Variants in OXNAD1 observed in about 807,000 individuals in gnomAD.
OXNAD1 encodes oxidoreductase NAD-binding domain-containing protein 1.
In OXNAD1, 34 loss-of-function variants were observed where a neutral mutation model predicts 32.9. That is an observed-to-expected ratio of 1.03 (90% CI 0.79 to 1.38). OXNAD1 has a LOEUF of 1.38. Among genes scored for constraint, OXNAD1 ranks in the 40% most tolerant of loss-of-function variants. The pLI, the probability that OXNAD1 is intolerant of heterozygous loss-of-function variation, is 0.00. For synonymous variants in OXNAD1, 134 were observed against 135.2 expected (o/e 0.99, Z 0.06); for missense variants, 407 against 379.4 (o/e 1.07, Z -0.60).
intron 9 of OXNAD1, among the ~76,000 whole-genome samples, chr3:16,332,459 ATTTAT>A (rs1374357611): frequency 6.7e-6 from 1 of 148,414 alleles, no homozygotes; most frequent in African/African-American, 2.5e-5. Flanking sequence ...TCATGGATAC[ATTTAT>A]TTTATCTCTT....
chr3:16,317,060 C>CCCT lies in OXNAD1; in HGVS notation c.*30+13472_*30+13474dup, dbSNP rs774576026. The CCCT allele has an allele frequency of 2.0e-5, 32 of 1,613,840 alleles. No individual in the cohort carries two copies. The African/African-American group carries it at 3.9e-4, about 20-fold the overall frequency. Reference sequence around the variant, plus strand: ...GCCCTTCATCTCCTCGGAGACTCCACCCTCCTGCTGCTGTCCTGAAACACA... The same window carrying CCCT: ...GCCCTTCATCTCCTCGGAGACTCCACCCTCCTCCTGCTGCTGTCCTGAAACACA... On this transcript the variant is annotated intron_variant, in intron 9 of 9. Transcript: ENST00000435829. This position sits in a 1 kb window ranked among gnomAD's most constrained non-coding sequence, Gnocchi z 4.3.
chr3:16,326,599 C>T (rs73142373), intron 9 of OXNAD1, among the ~76,000 whole-genome samples: 6,537 of 152,164 alleles, frequency 0.043, 437 homozygotes, highest in African/African-American at 0.15. Flanking sequence ...CTCTGGGTGA[C>T]GGTGGTTAAG....
chr3:16,278,263 ATCTT>A (rs1204402615), intron 4 of OXNAD1, among the ~76,000 whole-genome samples: 1 of 152,186 alleles, frequency 6.6e-6, no homozygotes, highest in Admixed American at 6.5e-5. Flanking sequence ...GATTTTGGAA[ATCTT>A]TCTAATTCTT....
chr3:16,337,614 C>T (rs1213937098), downstream of OXNAD1, among the ~76,000 whole-genome samples: 3 of 151,806 alleles, frequency 2.0e-5, no homozygotes, highest in African/African-American at 4.8e-5. The surrounding 1 kb of genome is among the most constrained non-coding windows in gnomAD (Gnocchi z 5.0). Flanking sequence ...TGGTGGCAGG[C>T]GCCTGTAGTC....
At position 16,322,315 on chromosome 3, in the gene OXNAD1, T is replaced by C. The variant is rs903940876; in HGVS notation, c.*31-14797T>C. Among the ~76,000 whole-genome samples the C allele has an allele frequency of 2.6e-5, 4 of 152,222 alleles. No homozygotes were observed. Among genetic ancestry groups the C allele is most frequent in the African/African-American group, 9.6e-5 (4 of 41,462 alleles). On this transcript the variant is annotated intron_variant, in intron 9 of 9. Coordinates refer to the OXNAD1 transcript ENST00000435829. The surrounding 1 kb of genome is among the most constrained non-coding windows in gnomAD (Gnocchi z 6.2). ...CAAGTCACCATTGCTTTGGCACTCC[T>C]TCCACAAGTGGGCTCCCCCTGGAGT...
downstream of OXNAD1, chr3:16,339,956 G>C (rs1242464938): frequency 6.6e-6 from 1 of 152,196 alleles, no homozygotes; most frequent in African/African-American, 2.4e-5. Flanking sequence ...AATGAGACAT[G>C]AGTTTGCCAC....
rs1013422992 is a variant in OXNAD1 at position 16,335,120 on chromosome 3, G to A, written c.*31-1992G>A. 2.6e-5 allele frequency among the ~76,000 whole-genome samples: 4 copies of A among 152,204 alleles called. No individual in the cohort carries two copies. The highest frequency in any genetic ancestry group is 9.7e-5 in the African/African-American group (4 of 41,438). On this transcript the variant is annotated intron_variant, in intron 9 of 9. Transcript: ENST00000435829. This position sits in a 1 kb window ranked among gnomAD's most constrained non-coding sequence, Gnocchi z 4.7. Reference sequence around the variant, plus strand: ...TCAACAAATGTAAGACAATAAACTTGCGTTGTTTTAAGTCACTAAATCTGT... The same window carrying A: ...TCAACAAATGTAAGACAATAAACTTACGTTGTTTTAAGTCACTAAATCTGT...
intron 9 of OXNAD1, among the ~76,000 whole-genome samples, chr3:16,318,990 C>T (rs527463519): frequency 6.6e-5 from 10 of 152,300 alleles, no homozygotes; most frequent in African/African-American, 2.2e-4. Context: ...AGAGGAGGCC[C>T]CTGATTTTAG....
At chr3:16,272,884 C>G (rs1161893426) in intron 4 of OXNAD1, among the ~76,000 whole-genome samples, 1 of 151,462 alleles carries the variant, frequency 6.6e-6, no homozygotes, top group East Asian at 1.9e-4. Flanking sequence ...CAGGCTCTTT[C>G]CTGTTGTATT....
At chr3:16,273,486 C>T (rs2065104701) in intron 4 of OXNAD1, among the ~76,000 whole-genome samples, 2 of 151,276 alleles carry the variant, frequency 1.3e-5, no homozygotes, top group Admixed American at 6.6e-5. Context: ...TTCTGTCTCC[C>T]AAGCTCGACT....
exon 10 of OXNAD1, chr3:16,349,952 TTTC>T (rs1302296988): frequency 5.3e-5 from 8 of 152,252 alleles, no homozygotes; most frequent in Non-Finnish European, 1.2e-4. Flanking sequence ...CTCAATCTTT[TTTC>T]TTAAGGCCTT....
chr3:16,339,771 G>T (rs1029072197), downstream of OXNAD1: 1 of 152,130 alleles, frequency 6.6e-6, no homozygotes, highest in African/African-American at 2.4e-5. Context: ...CTCCACAAAG[G>T]CAAGGAGTTT....
chr3:16,328,805 C>T (rs2069994425), intron 9 of OXNAD1, among the ~76,000 whole-genome samples: 1 of 152,170 alleles, frequency 6.6e-6, no homozygotes, highest in African/African-American at 2.4e-5. Flanking sequence ...TCATGTAGGT[C>T]CCTCCTGGCA....
intron 6 of OXNAD1, among the ~76,000 whole-genome samples, chr3:16,296,102 G>C (rs748250260): frequency 2.0e-5 from 3 of 152,164 alleles, no homozygotes; most frequent in African/African-American, 4.8e-5. Flanking sequence ...AGGCCCACCT[G>C]AACGCAGCAA....
chr3:16,272,157 C>T (rs1207581834), intron 4 of OXNAD1: 1 of 449,872 alleles, frequency 2.2e-6, no homozygotes, highest in Middle Eastern at 3.2e-4. Flanking sequence ...CAACTTATTT[C>T]ATCAAGGGAG....
Position 16,303,131 on chromosome 3 carries a change from G to A in OXNAD1, c.785-277G>A, listed in dbSNP as rs1176540943. Among the ~76,000 whole-genome samples, 3 of 152,186 alleles carry A rather than the reference G, an allele frequency of 2.0e-5. No individual in the cohort carries two copies. Among genetic ancestry groups the A allele is most frequent in the African/African-American group, 7.2e-5 (3 of 41,446 alleles). ...TTACTTCCTTTGCTGAAGGCAATTT[G>A]TATCTCCATCAAAGACCAGTAAGCT... On this transcript the variant is annotated intron_variant, in intron 8 of 8. Transcript: ENST00000285083. This position sits in a 1 kb window ranked among gnomAD's most constrained non-coding sequence, Gnocchi z 4.8.
chr3:16,268,391 A>G (rs939204434), intron 1 of OXNAD1, among the ~76,000 whole-genome samples: 1 of 121,666 alleles, frequency 8.2e-6, no homozygotes, highest in Non-Finnish European at 1.6e-5. Context: ...GTGTAATGGC[A>G]TGATCTTGGC....
intron 4 of OXNAD1, among the ~76,000 whole-genome samples, chr3:16,282,985 AAG>A (rs562516154): frequency 4.6e-5 from 7 of 152,086 alleles, no homozygotes; most frequent in Non-Finnish European, 8.8e-5. Context: ...AGTGAGAAGA[AAG>A]AAATTCTCAG....
intron 9 of OXNAD1, chr3:16,323,288 G>A: frequency 1.0e-6 from 1 of 952,890 alleles, no homozygotes; most frequent in South Asian, 1.5e-5. Flanking sequence ...GGAAGCTGGA[G>A]CAGGCTGCCC....
Sources: allele counts gnomAD v4.1 joint callset (sites outside exome capture counted in the v4.1 genomes callset), GRCh38; gene constraint gnomAD v4.1.1; non-coding constraint Gnocchi (gnomAD v3.1); transcripts MANE v1.5; gene names NCBI Gene and HGNC (gene_info 2026-07-23, HGNC 2026-07-21).